Variants in SNAPC3 observed in about 807,000 individuals in gnomAD.
SNAPC3 encodes snRNA-activating protein complex subunit 3.
SNAPC3 carries 56 observed loss-of-function variants against 47.7 expected under a neutral mutation model. The ratio of observed to expected loss-of-function variants is 1.18; its 90% CI spans 0.95 to 1.47. The LOEUF is 1.47. SNAPC3 is among the 40% of genes most tolerant of loss of function. SNAPC3 has a pLI of 0.00. For missense variants in SNAPC3, 665 were observed against 511.3 expected (o/e 1.30, Z -2.90); for synonymous variants, 235 against 189.9 (o/e 1.24, Z -1.95).
intron 4 of SNAPC3, 124 bp from the exon 5 acceptor site, chr9:15,446,971 T>C (rs2033979178): frequency 1.2e-6 from 1 of 833,888 alleles, no homozygotes. Flanking sequence ...ATACAGAGCA[T>C]CAAGTTATGG....
chr9:15,440,137 C>T (rs1187439761), intron 3 of SNAPC3, among the ~76,000 whole-genome samples: 1 of 152,116 alleles, frequency 6.6e-6, no homozygotes, highest in Non-Finnish European at 1.5e-5. Context: ...TTAACATAAC[C>T]TTGTAAGTAT....
At chr9:15,446,347 C>A (rs963764081) in intron 4 of SNAPC3, among the ~76,000 whole-genome samples, 2 of 152,192 alleles carry the variant, frequency 1.3e-5, no homozygotes, top group African/African-American at 4.8e-5. Flanking sequence ...GCTAGGACTA[C>A]AAGCATGTAT....
intron 3 of SNAPC3, among the ~76,000 whole-genome samples, chr9:15,437,067 C>T (rs927083408): frequency 1.3e-5 from 2 of 151,974 alleles, no homozygotes; most frequent in Admixed American, 1.3e-4. Flanking sequence ...TCAGGTGATC[C>T]GCCTGCCTCG....
At chr9:15,448,714 T>C (rs559027669) in intron 5 of SNAPC3, among the ~76,000 whole-genome samples, 11 of 152,332 alleles carry the variant, frequency 7.2e-5, no homozygotes, top group African/African-American at 2.6e-4. Flanking sequence ...GATATTTAGG[T>C]TCTTCAGGGT....
intron 4 of SNAPC3, 69 bp downstream of exon 4, chr9:15,444,775 G>A (rs1232669235): frequency 2.4e-6 from 2 of 828,752 alleles, no homozygotes; most frequent in African/African-American, 3.5e-5. Context: ...ATTATTTGAA[G>A]AGTCATATTC....
chr9:15,463,671 T>C (rs56111154), downstream of SNAPC3: 24 of 151,594 alleles, frequency 1.6e-4, no homozygotes, highest in African/African-American at 5.6e-4. Flanking sequence ...TGAGAAGTTA[T>C]CTGTAAATCA....
intron 4 of SNAPC3, among the ~76,000 whole-genome samples, chr9:15,446,747 G>A (rs781168150): frequency 6.6e-6 from 1 of 152,140 alleles, no homozygotes; most frequent in Admixed American, 6.6e-5. Flanking sequence ...GTTTAGGATT[G>A]GCTAGTTCGA....
intron 2 of SNAPC3, among the ~76,000 whole-genome samples, chr9:15,429,971 A>G (rs890338723): frequency 1.3e-5 from 2 of 152,226 alleles, no homozygotes; most frequent in African/African-American, 4.8e-5. Flanking sequence ...ATAGTATTCA[A>G]GCCCCAAAGT....
chr9:15,436,265 A>G (rs1038858891), intron 3 of SNAPC3, among the ~76,000 whole-genome samples: 4 of 152,242 alleles, frequency 2.6e-5, no homozygotes, highest in African/African-American at 9.6e-5. Flanking sequence ...TGCCAGATGC[A>G]GCATCATGAA....
rs964625578 is a variant in SNAPC3 at position 15,461,328 on chromosome 9, A to AT, written c.*1469dup. ...TGGCACAGGCCACCATGGCGGGCTA[A>AT]TTTTTTTATTTCTTGTAGATACAGG... is the stretch of plus-strand genomic sequence containing the variant. On this transcript the variant is annotated 3_prime_UTR_variant, in exon 9 of 9. Coordinates refer to ENST00000380821, the MANE Select transcript of SNAPC3 (RefSeq NM_001039697.2). The AT allele has an allele frequency of 6.6e-6, 1 of 152,068 alleles. No individual in the cohort carries two copies. The highest frequency in any genetic ancestry group is 2.1e-4 in the South Asian group (1 of 4,828). The allele number at this position is 152,068 out of a possible 1,614,324, so 9.4% of individuals were successfully genotyped here. A position where few individuals can be genotyped will look rare whatever the true frequency, so the allele number is the denominator to read the frequency against.
chr9:15,458,853 G>GT (rs755744614), intron 8 of SNAPC3, among the ~76,000 whole-genome samples: 2 of 152,132 alleles, frequency 1.3e-5, no homozygotes, highest in African/African-American at 4.8e-5. Context: ...ACCTGAAAGT[G>GT]TTTGAGTGGC....
rs766516118 is a variant in SNAPC3 at position 15,458,080 on chromosome 9, G to T, written c.1088+13G>T. The T allele has an allele frequency of 1.1e-5, 13 of 1,222,318 alleles. No homozygotes were observed. The highest frequency in any genetic ancestry group is 3.0e-5 in the South Asian group (2 of 65,978). 75.7% of individuals were successfully genotyped at this position (1,222,318 alleles called of 1,614,324 possible). On this transcript the variant is annotated intron_variant, in intron 8 of 8. Coordinates refer to ENST00000380821, the MANE Select transcript of SNAPC3 (RefSeq NM_001039697.2). Reference sequence around the variant, plus strand: ...TGTATACAGCCAGGTGAGTGATAATGTATTTTTTTTTTTCTCTGAGAAATG... The same window carrying T: ...TGTATACAGCCAGGTGAGTGATAATTTATTTTTTTTTTTCTCTGAGAAATG...
chr9:15,462,720 T>G (rs996693727), downstream of SNAPC3: 2 of 152,242 alleles, frequency 1.3e-5, no homozygotes, highest in Admixed American at 6.5e-5. Flanking sequence ...CAATTAGACA[T>G]TCTAGTTTTA....
chr9:15,435,463 C>T (rs561923957), intron 3 of SNAPC3, among the ~76,000 whole-genome samples: 2 of 152,220 alleles, frequency 1.3e-5, no homozygotes, highest in South Asian at 4.2e-4. Flanking sequence ...ATCCCAGCTA[C>T]TCGGGAGACT....
At position 15,431,141 on chromosome 9, in the gene SNAPC3, C is replaced by G. The variant is rs138867541; in HGVS notation, c.393-2411C>G. 4.7e-4 allele frequency among the ~76,000 whole-genome samples: 71 copies of G among 152,310 alleles called. 1 individual carries two copies. In the East Asian group the frequency reaches 0.013, roughly 28 times the overall value. The stretch of plus-strand genomic sequence containing the variant: ...AGTGCCCAGCTCCTGCAATACACTG[C>G]AGTCTGAAGCACCCCGCGCCCAGCA... On this transcript the variant is annotated intron_variant, in intron 2 of 8. Coordinates refer to ENST00000380821, the MANE Select transcript of SNAPC3 (RefSeq NM_001039697.2).
At chr9:15,447,361 C>G (rs2034021177) in intron 5 of SNAPC3, 117 bp downstream of exon 5, 3 of 638,126 alleles carry the variant, frequency 4.7e-6, no homozygotes, top group Non-Finnish European at 7.6e-6. Context: ...GGGATTCCAT[C>G]AAACTACACT....
downstream of SNAPC3, among the ~76,000 whole-genome samples, chr9:15,466,184 G>A (rs1398221155): frequency 6.6e-6 from 1 of 152,162 alleles, no homozygotes; most frequent in Non-Finnish European, 1.5e-5. Flanking sequence ...TCGAGGCCGG[G>A]CTGGCCAACA....
At chr9:15,437,830 C>G (rs2032974646) in intron 3 of SNAPC3, among the ~76,000 whole-genome samples, 1 of 152,088 alleles carries the variant, frequency 6.6e-6, no homozygotes, top group African/African-American at 2.4e-5. Flanking sequence ...TTGGAAAATT[C>G]ACAAAAATTA....
At position 15,458,061 on chromosome 9, in the gene SNAPC3, C is replaced by T. The variant is rs1434839721; in HGVS notation, c.1082C>T (p.Thr361Ile). 2.0e-6 allele frequency: 3 copies of T among 1,526,778 alleles called. No individual in the cohort carries two copies. Among genetic ancestry groups the T allele is most frequent in the Non-Finnish European group, 1.8e-6 (2 of 1,132,060 alleles). 94.6% of individuals were successfully genotyped at this position (1,526,778 alleles called of 1,614,324 possible). Reference protein sequence around the residue: ...TRKCFVCKMYTARWVTNNDSF... With the variant: ...TRKCFVCKMYIARWVTNNDSF... ...AAATGTTTTGTTTGTAAAATGTATACAGCCAGGTGAGTGATAATGTATTTT... is the reference window on the plus strand; with the variant it reads ...AAATGTTTTGTTTGTAAAATGTATATAGCCAGGTGAGTGATAATGTATTTT... The change falls in exon 8 of 9, where the codon ACA (threonine) becomes ATA (isoleucine). Residue 361 changes from threonine to isoleucine, a missense_variant. Coordinates refer to ENST00000380821, the MANE Select transcript of SNAPC3 (RefSeq NM_001039697.2).
Sources: allele counts gnomAD v4.1 joint callset (sites outside exome capture counted in the v4.1 genomes callset), GRCh38; gene constraint gnomAD v4.1.1; transcripts MANE v1.5; gene names NCBI Gene and HGNC (gene_info 2026-07-23, HGNC 2026-07-21).